GLB1L2: variants seen among roughly 807,000 people sequenced by gnomAD.
GLB1L2 encodes the protein galactosidase beta 1 like 2, also known as beta-galactosidase-1-like protein 2.
GLB1L2 carries 68 observed loss-of-function variants against 84.1 expected under a neutral mutation model. That is an observed-to-expected ratio of 0.81 (90% CI 0.67 to 0.99). GLB1L2 has a LOEUF of 0.99. Ranked by LOEUF, GLB1L2 falls within the 50% of genes least tolerant of loss-of-function variation. GLB1L2 has a pLI of 0.00. For missense variants in GLB1L2, 762 were observed against 805.6 expected (o/e 0.95, Z 0.66); for synonymous variants, 290 against 318.0 (o/e 0.91, Z 0.94).
chr11:134,371,564 G>A lies in GLB1L2; in HGVS notation c.1428+72G>A, dbSNP rs924711352. 6 of 1,065,396 alleles carry A rather than the reference G, an allele frequency of 5.6e-6. No individual in the cohort carries two copies. The Admixed American group carries it at 1.0e-4, about 18-fold the overall frequency. The allele number at this position is 1,065,396 out of a possible 1,614,324, so 66.0% of individuals were successfully genotyped here. A position where few individuals can be genotyped will look rare whatever the true frequency, so the allele number is the denominator to read the frequency against. ...GAGGAAGTCTGGGGGCAGTCACTGA[G>A]GAAAACCTGGGAGACCCGTGGCTCC... On this transcript the variant is annotated intron_variant, in intron 14 of 18. Coordinates refer to ENST00000535456, the MANE Select transcript of GLB1L2 (RefSeq NM_001370461.1).
chr11:134,347,107 G>T, intron 4 of GLB1L2: 1 of 525,636 alleles, frequency 1.9e-6, no homozygotes, highest in Non-Finnish European at 3.5e-6. Context: ...CTTCCACCAG[G>T]CTGTGTCCTT....
In GLB1L2 at chr11:134,374,991, C is replaced by G; in HGVS notation, c.1844C>G (p.Thr615Arg). 1.2e-5 allele frequency: 19 copies of G among 1,613,734 alleles called. No homozygotes were observed. The highest frequency in any genetic ancestry group is 1.6e-5 in the Non-Finnish European group (19 of 1,179,890). Residue 615 changes from threonine (T) to arginine (R), a missense_variant, in exon 19 of 19, where the codon ACG becomes AGG. Physicochemically the swap from Thr to Arg is moderately conservative, Grantham distance 71. Transcript: ENST00000535456. ...CCACAGGTCATCGTTTTTGAGGAGA[C>G]GATGGCGGGCCCTGCATTACAGTTC... Reference protein sequence around the residue: ...GINQVIVFEETMAGPALQFTE... With the variant: ...GINQVIVFEERMAGPALQFTE...
At position 134,344,601 on chromosome 11, in the gene GLB1L2, C is replaced by G. The variant is rs576599631; in HGVS notation, c.353+146C>G. The G allele has an allele frequency of 4.2e-4, 434 of 1,023,526 alleles. No homozygotes were observed. The African/African-American group carries it at 6.0e-3, about 14-fold the overall frequency. The allele number at this position is 1,023,526 out of a possible 1,614,324, so 63.4% of individuals were successfully genotyped here. On this transcript the variant is annotated intron_variant, in intron 3 of 18. Transcript: ENST00000535456. Reference sequence around the variant, plus strand: ...CTGTGAGAGGCCCTGCACCCAGGACCCAGACGCTCCCCAGTCGTGACCTGT... The same window carrying G: ...CTGTGAGAGGCCCTGCACCCAGGACGCAGACGCTCCCCAGTCGTGACCTGT...
chr11:134,355,821 C>G (rs1004410800), intron 5 of GLB1L2, among the ~76,000 whole-genome samples: 2 of 152,182 alleles, frequency 1.3e-5, no homozygotes, highest in South Asian at 4.1e-4. Context: ...GAAACCAGTA[C>G]GTTGGGCAGA....
At chr11:134,371,870 G>C in intron 15 of GLB1L2, 40 bp downstream of exon 15, 1 of 1,579,476 alleles carries the variant, frequency 6.3e-7, no homozygotes, top group South Asian at 1.1e-5. Flanking sequence ...TGGCCATGCT[G>C]GACACACAGG....
chr11:134,360,253 G>A (rs1383236219), intron 7 of GLB1L2: 2 of 152,312 alleles, frequency 1.3e-5, no homozygotes, highest in Non-Finnish European at 2.9e-5. Flanking sequence ...TCCTTCCACA[G>A]ACCGAGCTGC....
chr11:134,341,786 C>T (rs1237596084), intron 1 of GLB1L2, among the ~76,000 whole-genome samples: 1 of 152,222 alleles, frequency 6.6e-6, no homozygotes, highest in Non-Finnish European at 1.5e-5. Flanking sequence ...GCCCCCTCCC[C>T]GTCTCTGGCC....
chr11:134,340,288 G>GTGTGCA (rs149073884), intron 1 of GLB1L2, among the ~76,000 whole-genome samples: 46,741 of 151,658 alleles, frequency 0.31, 7,491 homozygotes, highest in Non-Finnish European at 0.36. Context: ...TTTTGTGTGT[G>GTGTGCA]TGTGCATGTG....
At chr11:134,374,466 C>A in intron 17 of GLB1L2, 136 bp from the exon 18 acceptor site, 1 of 786,056 alleles carries the variant, frequency 1.3e-6, no homozygotes. Context: ...TAGAGCATCC[C>A]ACCTGCCCAC....
chr11:134,364,669 G>T, intron 8 of GLB1L2: 1 of 406,032 alleles, frequency 2.5e-6, no homozygotes, highest in Non-Finnish European at 4.4e-6. Context: ...CTCGACTTTT[G>T]TGGCCTCAAC....
intron 15 of GLB1L2, among the ~76,000 whole-genome samples, 167 bp from the exon 16 acceptor site, chr11:134,373,554 G>A (rs988307316): frequency 4.6e-5 from 7 of 152,076 alleles, no homozygotes; most frequent in East Asian, 1.9e-4. Context: ...GCAAGCGAAC[G>A]GCTTCCCAGG....
At chr11:134,345,451 G>T (rs1943540518) in intron 4 of GLB1L2, among the ~76,000 whole-genome samples, 1 of 152,178 alleles carries the variant, frequency 6.6e-6, no homozygotes, top group African/African-American at 2.4e-5. Flanking sequence ...TCTGCAGTAT[G>T]GGAAAAATCC....
chr11:134,371,337 C>T (rs893389495), intron 13 of GLB1L2, 84 bp from the exon 14 acceptor site: 54 of 1,161,780 alleles, frequency 4.6e-5, no homozygotes, highest in Admixed American at 8.5e-5. Flanking sequence ...TACAGGCACG[C>T]GTGCTGCCCT....
In GLB1L2 at chr11:134,375,364, A is replaced by G; in HGVS notation, c.*306A>G. On this transcript the variant is annotated 3_prime_UTR_variant, in exon 19 of 19. Transcript: ENST00000535456. ...GATCGCCCAGCCTTTGGCCCTCAGA[A>G]AAAGTGCTGAAACGTGCCCTTGCAC... 1 of 333,028 alleles carries G rather than the reference A, an allele frequency of 3.0e-6. No individual in the cohort carries two copies. The highest frequency in any genetic ancestry group is 5.4e-6 in the Non-Finnish European group (1 of 183,588). 20.6% of individuals were successfully genotyped at this position (333,028 alleles called of 1,614,324 possible).
rs1943567067 is a variant in GLB1L2 at position 134,347,377 on chromosome 11, A to G, written c.502A>G (p.Thr168Ala). Residue 168 changes from threonine to alanine, a missense_variant, in exon 5 of 19, where the codon ACC (threonine) becomes GCC (alanine). Physicochemically the swap from Thr to Ala is moderately conservative, Grantham distance 58. Around this residue, in one of 3 missense-constraint regions of GLB1L2, gnomAD observed 603 missense variants for 611.7 expected, o/e 0.99. Transcript: ENST00000535456. ...GCTGAGGACAACTTACAAGGGCTTC[A>G]CCGAAGCAGTGGACCTTTATTTTGA... is the stretch of plus-strand genomic sequence containing the variant. ...MRLRTTYKGF[T>A]EAVDLYFDHL... 6.2e-7 allele frequency: 1 copy of G among 1,614,038 alleles called. No homozygotes were observed. Among genetic ancestry groups the G allele is most frequent in the Admixed American group, 1.7e-5 (1 of 60,002 alleles).
chr11:134,366,806 C>G (rs536665508), intron 8 of GLB1L2, among the ~76,000 whole-genome samples: 105 of 151,780 alleles, frequency 6.9e-4, no homozygotes, highest in African/African-American at 1.7e-3. Flanking sequence ...TGAAGAGGGC[C>G]CACTCTGCAG....
At chr11:134,341,690 C>A (rs1943464419) in intron 1 of GLB1L2, among the ~76,000 whole-genome samples, 1 of 152,170 alleles carries the variant, frequency 6.6e-6, no homozygotes, top group Non-Finnish European at 1.5e-5. Context: ...GGTAAAAAAG[C>A]AAATTTCTTT....
chr11:134,371,531 G>A (rs182569151), intron 14 of GLB1L2, 39 bp downstream of exon 14: 48 of 1,256,832 alleles, frequency 3.8e-5, no homozygotes, highest in Admixed American at 1.0e-4. Context: ...GCTAGCCCCC[G>A]CTGCTTCGAG....
chr11:134,337,921 C>T (rs533925953), intron 1 of GLB1L2, among the ~76,000 whole-genome samples: 6 of 152,298 alleles, frequency 3.9e-5, no homozygotes, highest in African/African-American at 1.4e-4. Context: ...AAGCTATCGT[C>T]TCAGATGAAC....
Sources: gnomAD v4.1 joint callset for allele counts (sites outside exome capture counted in the v4.1 genomes callset) on GRCh38, gnomAD v4.1.1 for gene constraint, gnomAD v4.1.1 regional missense constraint, MANE v1.5 for transcripts, NCBI Gene and HGNC (gene_info 2026-07-23, HGNC 2026-07-21) for gene names.